Variants in CFAP61 observed in about 807,000 individuals in gnomAD.
CFAP61 encodes cilia- and flagella-associated protein 61.
A neutral mutation model predicts 135.6 loss-of-function variants in CFAP61; 107 were observed. The observed-to-expected ratio is 0.79, with a 90% CI of 0.67 to 0.93. The LOEUF (loss-of-function observed/expected upper bound fraction) is 0.93. Ranked by LOEUF, CFAP61 falls within the 40% of genes least tolerant of loss-of-function variation. The probability of loss-of-function intolerance (pLI) is 0.00; values close to 1 mark genes in which losing one functional copy is unlikely to be tolerated. For missense variants in CFAP61, 1,507 were observed against 1,556.2 expected (o/e 0.97, Z 0.53); for synonymous variants, 575 against 578.5 (o/e 0.99, Z 0.09).
intron 25 of CFAP61, among the ~76,000 whole-genome samples, chr20:20,338,822 G>A (rs2122356959): frequency 1.3e-5 from 2 of 152,360 alleles, no homozygotes; most frequent in South Asian, 4.1e-4. Flanking sequence ...GAGCAGGCAA[G>A]GATGACCTCT....
chr20:20,125,203 T>TG (rs2049975678), intron 8 of CFAP61, among the ~76,000 whole-genome samples: 1 of 151,674 alleles, frequency 6.6e-6, no homozygotes, highest in African/African-American at 2.4e-5. Context: ...GTATTTTTTT[T>TG]GTTTCAATTT....
chr20:20,268,410 G>A (rs2052979429), intron 21 of CFAP61, among the ~76,000 whole-genome samples: 1 of 152,170 alleles, frequency 6.6e-6, no homozygotes, highest in African/African-American at 2.4e-5. Flanking sequence ...GAGGAAGTCG[G>A]CTCTCCTTTG....
intron 8 of CFAP61, among the ~76,000 whole-genome samples, chr20:20,115,840 T>C (rs908484678): frequency 1.3e-5 from 2 of 152,222 alleles, no homozygotes; most frequent in Admixed American, 1.3e-4. Flanking sequence ...CATTCATCCA[T>C]TGATGGAGAC....
chr20:20,239,783 C>T (rs1297396358), intron 18 of CFAP61, among the ~76,000 whole-genome samples: 3 of 152,218 alleles, frequency 2.0e-5, no homozygotes, highest in Non-Finnish European at 2.9e-5. Context: ...ATTTTAAAAC[C>T]GGAAACCGTT....
intron 9 of CFAP61, among the ~76,000 whole-genome samples, chr20:20,149,271 T>G (rs775149441): frequency 6.6e-6 from 1 of 152,168 alleles, no homozygotes; most frequent in African/African-American, 2.4e-5. Flanking sequence ...AAAATAAAAC[T>G]GCAGATCAGT....
chr20:20,188,668 G>A (rs150344598), intron 14 of CFAP61, among the ~76,000 whole-genome samples: 1 of 152,338 alleles, frequency 6.6e-6, no homozygotes, highest in African/African-American at 2.4e-5. Flanking sequence ...GGCCATGACA[G>A]TTAATCTGAC....
intron 18 of CFAP61, among the ~76,000 whole-genome samples, chr20:20,239,941 C>G (rs1311529245): frequency 6.7e-6 from 1 of 149,488 alleles, no homozygotes; most frequent in African/African-American, 2.5e-5. Flanking sequence ...TGGGGGCATT[C>G]AAGAGATGTG....
chr20:20,075,005 G>A (rs1003410908), intron 4 of CFAP61, among the ~76,000 whole-genome samples, 184 bp from the exon 5 acceptor site: 1 of 152,212 alleles, frequency 6.6e-6, no homozygotes, highest in Non-Finnish European at 1.5e-5. Context: ...AGAACCCAAG[G>A]AAAAGTAGAG....
chr20:20,334,430 G>A (rs1192560528), intron 25 of CFAP61, among the ~76,000 whole-genome samples: 1 of 152,200 alleles, frequency 6.6e-6, no homozygotes, highest in Non-Finnish European at 1.5e-5. Flanking sequence ...TGTGGCCATA[G>A]TGTTAGCCTC....
At chr20:20,183,190 T>G (rs1177307226) in intron 13 of CFAP61, among the ~76,000 whole-genome samples, 1 of 152,046 alleles carries the variant, frequency 6.6e-6, no homozygotes, top group African/African-American at 2.4e-5. Context: ...AGTCTCACTG[T>G]TTTGCCCAGG....
intron 17 of CFAP61, among the ~76,000 whole-genome samples, chr20:20,226,986 A>C (rs1434095789): frequency 6.6e-6 from 1 of 152,184 alleles, no homozygotes. Flanking sequence ...TTTTGTTTTA[A>C]ATTTCTATCA....
rs976206595 is a variant in CFAP61 at position 20,233,998 on chromosome 20, G to A, written c.2060+5622G>A. Among the ~76,000 whole-genome samples, 8 of 152,188 alleles carry A rather than the reference G, an allele frequency of 5.3e-5. No individual in the cohort carries two copies. In the South Asian group the frequency reaches 1.0e-3, roughly 20 times the overall value. Reference sequence around the variant, plus strand: ...CAAACCATGTACCCGGATCTGAGTCGTACACCCGCCTCCTCAGTCTTCATC... The same window carrying A: ...CAAACCATGTACCCGGATCTGAGTCATACACCCGCCTCCTCAGTCTTCATC... On this transcript the variant is annotated intron_variant, in intron 18 of 26. Transcript: ENST00000245957.
intron 18 of CFAP61, among the ~76,000 whole-genome samples, chr20:20,242,914 C>A (rs1016382302): frequency 6.6e-6 from 1 of 152,312 alleles, no homozygotes; most frequent in African/African-American, 2.4e-5. Flanking sequence ...ACAGTACAGG[C>A]AGAGGTAAGG....
Position 20,070,965 on chromosome 20 carries a change from G to A in CFAP61, c.255G>A (p.Val85=). The part of the protein sequence containing the change: ...NWNVAKQDDW[V]SVFRELDSDI... ...ATGTTGCCAAGCAGGATGACTGGGTGTCAGTGTTCCGGGAGCTCGACAGTG... is the reference window on the plus strand; with the variant it reads ...ATGTTGCCAAGCAGGATGACTGGGTATCAGTGTTCCGGGAGCTCGACAGTG... Residue 85 remains valine (V), a synonymous_variant, in exon 3 of 27, where the codon GTG becomes GTA. Transcript: ENST00000245957. 1.1e-5 allele frequency: 17 copies of A among 1,614,224 alleles called. No homozygotes were observed. The highest frequency in any genetic ancestry group is 1.4e-5 in the Non-Finnish European group (17 of 1,180,032).
At chr20:20,191,163 G>A (rs77689184) in intron 14 of CFAP61, among the ~76,000 whole-genome samples, 179 bp from the exon 15 acceptor site, 166 of 152,144 alleles carry the variant, frequency 1.1e-3, no homozygotes, top group African/African-American at 3.9e-3. Flanking sequence ...TCATAGGGTT[G>A]GTGTGAGGAT....
chr20:20,287,538 A>C (rs2054680018), intron 22 of CFAP61, among the ~76,000 whole-genome samples: 1 of 152,228 alleles, frequency 6.6e-6, no homozygotes, highest in South Asian at 2.1e-4. Context: ...ACAGAATCAG[A>C]AAGCTCCCTG....
At chr20:20,331,029 C>T (rs986221527) in intron 25 of CFAP61, among the ~76,000 whole-genome samples, 2 of 152,156 alleles carry the variant, frequency 1.3e-5, no homozygotes, top group African/African-American at 4.8e-5. Context: ...TATATAAATA[C>T]CTTATGTCTC....
At chr20:20,219,618 CA>C (rs1360108354) in intron 17 of CFAP61, among the ~76,000 whole-genome samples, 1 of 152,118 alleles carries the variant, frequency 6.6e-6, no homozygotes, top group Non-Finnish European at 1.5e-5. Context: ...ATACATTCTC[CA>C]AAAACCTTCC....
chr20:20,199,854 G>A lies in CFAP61; in HGVS notation c.1884G>A (p.Leu628=). 1 of 1,614,170 alleles carries A rather than the reference G, an allele frequency of 6.2e-7. No homozygotes were observed. The highest frequency in any genetic ancestry group is 8.5e-7 in the Non-Finnish European group (1 of 1,180,026). ...CACGACGACAGATTGTCTATCCTCT[G>A]GAAAAGCTTGGCATAAACGCTCCAT... ...VRPRRQIVYP[L]EKLGINAPSK... The change falls in exon 17 of 27, where the codon CTG becomes CTA. Residue 628 remains leucine (L), a synonymous_variant. Coordinates refer to ENST00000245957, the MANE Select transcript of CFAP61 (RefSeq NM_015585.4).
Sources: gnomAD v4.1 joint callset for allele counts (sites outside exome capture counted in the v4.1 genomes callset) on GRCh38, gnomAD v4.1.1 for gene constraint, MANE v1.5 for transcripts, NCBI Gene and HGNC (gene_info 2026-07-23, HGNC 2026-07-21) for gene names.